Variants in GRAMD2B observed in about 807,000 individuals in gnomAD.
GRAMD2B encodes the protein GRAM domain containing 2B, also known as GRAM domain-containing protein 2B.
Under a neutral mutation model 59.2 loss-of-function variants are expected in GRAMD2B, and 41 were observed. That is an observed-to-expected ratio of 0.69 (90% CI 0.54 to 0.90). GRAMD2B has a LOEUF of 0.90. Among genes scored for constraint, GRAMD2B ranks in the 40% least tolerant of loss-of-function variants. The pLI is 0.00. For missense variants in GRAMD2B, 424 were observed against 500.5 expected (o/e 0.85, Z 1.46); for synonymous variants, 161 against 182.7 (o/e 0.88, Z 0.96).
chr5:126,363,696 T>C (rs1257606376), intron 1 of GRAMD2B, among the ~76,000 whole-genome samples: 1 of 152,212 alleles, frequency 6.6e-6, no homozygotes, highest in Non-Finnish European at 1.5e-5. Context: ...TATGATCCCA[T>C]CTATATATGA....
intron 1 of GRAMD2B, among the ~76,000 whole-genome samples, chr5:126,417,938 C>T (rs941540840): frequency 2.6e-5 from 4 of 152,222 alleles, no homozygotes; most frequent in African/African-American, 9.6e-5. Context: ...TCCGTGAAAG[C>T]TTGGGCTCTT....
At chr5:126,408,873 T>A (rs1758504120) in intron 1 of GRAMD2B, among the ~76,000 whole-genome samples, 1 of 126,330 alleles carries the variant, frequency 7.9e-6, no homozygotes, top group Non-Finnish European at 1.6e-5. Flanking sequence ...CAGAGTGTGA[T>A]GTTCCCCTTC....
chr5:126,450,908 C>G (rs13174359), intron 1 of GRAMD2B, among the ~76,000 whole-genome samples: 42 of 152,176 alleles, frequency 2.8e-4, no homozygotes, highest in African/African-American at 9.6e-4. Context: ...GCCTGTCGCG[C>G]GGCGTAGCCA....
chr5:126,485,110 T>C (rs923880809), intron 10 of GRAMD2B, among the ~76,000 whole-genome samples: 51 of 152,104 alleles, frequency 3.4e-4, no homozygotes, highest in Non-Finnish European at 6.9e-4. Context: ...CCCAGCACTT[T>C]GGGAGTCTGC....
rs751283018 is a variant in GRAMD2B, at chr5:126,469,632, C to CAA, written c.204-37_204-36dup. 7 of 1,266,858 alleles carry CAA rather than the reference C, an allele frequency of 5.5e-6. No homozygotes were observed. In the African/African-American group the frequency reaches 6.2e-5, roughly 11 times the overall value. The allele number at this position is 1,266,858 out of a possible 1,614,324, so 78.5% of individuals were successfully genotyped here. On this transcript the variant is annotated intron_variant, in intron 2 of 13. Coordinates refer to ENST00000285689, the MANE Select transcript of GRAMD2B (RefSeq NM_023927.4). Reference sequence around the variant, plus strand: ...CCTGGGCAACAGAGCAAAACTGTCTCAAAAAAAAATTATCTTATAGACACC... The same window carrying CAA: ...CCTGGGCAACAGAGCAAAACTGTCTCAAAAAAAAAAATTATCTTATAGACACC...
rs185101127 is a variant in GRAMD2B, at chr5:126,494,251, C to T, written c.*1295C>T. ...TCCACCTGCCATCTACTACTACCAACTCACTTATACTTCCTTCCTCCCAAG... is the reference window on the plus strand; with the variant it reads ...TCCACCTGCCATCTACTACTACCAATTCACTTATACTTCCTTCCTCCCAAG... On this transcript the variant is annotated 3_prime_UTR_variant, in exon 14 of 14. Transcript: ENST00000285689. The T allele has an allele frequency of 3.3e-5, 5 of 152,238 alleles. No homozygotes were observed. The highest frequency in any genetic ancestry group is 1.3e-4 in the Admixed American group (2 of 15,256). The allele number at this position is 152,238 out of a possible 1,614,324, so 9.4% of individuals were successfully genotyped here.
At chr5:126,369,760 G>A (rs542937797), upstream of GRAMD2B, among the ~76,000 whole-genome samples, 5 of 152,226 alleles carry the variant, frequency 3.3e-5, no homozygotes, top group African/African-American at 9.6e-5. Context: ...TTTGTTCTAA[G>A]TTAGGAATTG....
intron 1 of GRAMD2B, among the ~76,000 whole-genome samples, chr5:126,458,151 T>G: frequency 6.6e-6 from 1 of 152,122 alleles, no homozygotes; most frequent in Non-Finnish European, 1.5e-5. Context: ...AATGAGGGAC[T>G]GGGCCAGGCA....
chr5:126,369,688 T>C (rs371700712), upstream of GRAMD2B, among the ~76,000 whole-genome samples: 86 of 152,356 alleles, frequency 5.6e-4, no homozygotes, highest in African/African-American at 1.8e-3. Flanking sequence ...GGAAAGCTTA[T>C]CTATTGAAAA....
At position 126,472,304 on chromosome 5, in the gene GRAMD2B, A is replaced by C; in HGVS notation, c.382A>C (p.Ser128Arg). Residue 128 changes from serine to arginine, a missense_variant and splice_region_variant, in exon 4 of 14, where the codon AGC becomes CGC. By Grantham distance (110) the Ser-to-Arg change is moderately radical. Coordinates refer to ENST00000285689, the MANE Select transcript of GRAMD2B (RefSeq NM_023927.4). ...SVPTEEPLKQ[S>R]FTCALQKEIL... ...CCCAACGGAGGAACCACTGAAGCAA[A>C]GTAAGTTCTGACCTGTTTGACTTTT... is the stretch of plus-strand genomic sequence containing the variant. The C allele has an allele frequency of 6.2e-7, 1 of 1,613,382 alleles. No individual in the cohort carries two copies. Among genetic ancestry groups the C allele is most frequent in the Non-Finnish European group, 8.5e-7 (1 of 1,179,280 alleles).
chr5:126,414,080 T>G (rs1286024476), intron 1 of GRAMD2B, among the ~76,000 whole-genome samples: 1 of 152,118 alleles, frequency 6.6e-6, no homozygotes, highest in Middle Eastern at 3.2e-3. Flanking sequence ...AAAAATACCA[T>G]CGACAATCCC....
chr5:126,446,639 A>T (rs931736606), intron 1 of GRAMD2B, among the ~76,000 whole-genome samples: 2 of 143,496 alleles, frequency 1.4e-5, no homozygotes, highest in African/African-American at 5.2e-5. Context: ...AAAAAAAAAA[A>T]ACCTATGTGT....
chr5:126,481,467 G>A (rs1771828474), intron 8 of GRAMD2B, among the ~76,000 whole-genome samples: 1 of 152,098 alleles, frequency 6.6e-6, no homozygotes, highest in Admixed American at 6.5e-5. Context: ...TGAGCCCATG[G>A]TTTCAACAAC....
chr5:126,368,996 A>G (rs1754602882), upstream of GRAMD2B, among the ~76,000 whole-genome samples: 1 of 152,154 alleles, frequency 6.6e-6, no homozygotes, highest in Non-Finnish European at 1.5e-5. Context: ...GCTTGAACTA[A>G]CCACACTGGC....
chr5:126,441,184 C>A (rs967629361), intron 1 of GRAMD2B, among the ~76,000 whole-genome samples: 1 of 151,920 alleles, frequency 6.6e-6, no homozygotes, highest in African/African-American at 2.4e-5. Context: ...AGCTTAAGAT[C>A]CCCTACTTTG....
chr5:126,417,148 G>A (rs145368183), intron 1 of GRAMD2B, among the ~76,000 whole-genome samples: 124 of 152,358 alleles, frequency 8.1e-4, no homozygotes, highest in South Asian at 3.3e-3. Flanking sequence ...GGCCCCTAGT[G>A]AGTTGGTATT....
At chr5:126,423,352 A>G, upstream of GRAMD2B, 2 of 1,321,224 alleles carry the variant, frequency 1.5e-6, no homozygotes, top group Non-Finnish European at 1.9e-6. Flanking sequence ...AGAGGCTGTC[A>G]CTTCGCTTCG....
At chr5:126,434,505 CTTTT>C (rs930458101) in intron 1 of GRAMD2B, among the ~76,000 whole-genome samples, 6 of 146,924 alleles carry the variant, frequency 4.1e-5, no homozygotes, top group African/African-American at 1.4e-4. Flanking sequence ...GACAATTATC[CTTTT>C]TTTTATTTTT....
intron 1 of GRAMD2B, among the ~76,000 whole-genome samples, chr5:126,457,902 C>T (rs1452731748): frequency 6.6e-6 from 1 of 152,064 alleles, no homozygotes; most frequent in Non-Finnish European, 1.5e-5. Context: ...GTAGGGTTTC[C>T]TTCTCCATAA....
Sources: gnomAD v4.1 joint callset for allele counts (sites outside exome capture counted in the v4.1 genomes callset) on GRCh38, gnomAD v4.1.1 for gene constraint, MANE v1.5 for transcripts, NCBI Gene and HGNC (gene_info 2026-07-23, HGNC 2026-07-21) for gene names.